PTPRO: variants seen among roughly 807,000 people sequenced by gnomAD.
PTPRO encodes the protein receptor-type tyrosine-protein phosphatase O.
Under a neutral mutation model 145.2 loss-of-function variants are expected in PTPRO, and 62 were observed. The observed-to-expected ratio is 0.43, with a 90% CI of 0.35 to 0.53. The LOEUF (loss-of-function observed/expected upper bound fraction) is 0.53, where lower values mean the gene tolerates loss of function less well. PTPRO is among the 20% of genes least tolerant of loss of function. PTPRO has a pLI of 0.01. For synonymous variants in PTPRO, 565 were observed against 514.7 expected, an observed-to-expected ratio of 1.10 and a Z score of -1.32; for missense variants, 1,345 against 1,482.7, an observed-to-expected ratio of 0.91 and a Z score of 1.53.
At chr12:15,508,533 C>G in intron 6 of PTPRO, 38 bp from the exon 7 acceptor site, 1 of 1,579,086 alleles carries the variant, frequency 6.3e-7, no homozygotes, top group East Asian at 2.2e-5. Context: ...ATCAGTGTAA[C>G]GTGCAGCCTC....
At chr12:15,560,328 C>T in intron 17 of PTPRO, 52 bp downstream of exon 17, 1 of 1,361,372 alleles carries the variant, frequency 7.3e-7, no homozygotes, top group Non-Finnish European at 1.0e-6. Context: ...AGTTAGCTTT[C>T]AAGAAGTAAA....
At chr12:15,514,033 C>G (rs2041898) in intron 7 of PTPRO, among the ~76,000 whole-genome samples, 87,476 of 152,064 alleles carry the variant, frequency 0.58, 26,440 homozygotes, top group Admixed American at 0.66. Context: ...AGCACCTTAA[C>G]CTTTTAGTTG....
In PTPRO at chr12:15,420,075, A is replaced by C. The variant is rs1940096178; in HGVS notation, c.76-63899A>C. ...GGCAGGAGAACGGTGTGAAACCGGG[A>C]GGCGGAGCTTGCAGTGAGCGGAGAT... On this transcript the variant is annotated intron_variant, in intron 1 of 26. Coordinates refer to ENST00000281171, the MANE Select transcript of PTPRO (RefSeq NM_030667.3). 2.9e-5 allele frequency among the ~76,000 whole-genome samples: 4 copies of C among 139,290 alleles called. No homozygotes were observed. In the Admixed American group the frequency reaches 3.1e-4, roughly 11 times the overall value. 91.4% of individuals were successfully genotyped at this position (139,290 alleles called of 152,430 possible). A position where few individuals can be genotyped will look rare whatever the true frequency, so the allele number is the denominator to read the frequency against.
Position 15,526,387 on chromosome 12 carries a change from A to G in PTPRO, c.2164+125A>G. The stretch of plus-strand genomic sequence containing the variant: ...ATGGCTAATTTTTTATGAGTAGAAA[A>G]TAGACATTTGTACTAGCAAAAGGGT... On this transcript the variant is annotated intron_variant, in intron 12 of 26. Coordinates refer to ENST00000281171, the MANE Select transcript of PTPRO (RefSeq NM_030667.3). 5 of 1,309,234 alleles carry G rather than the reference A, an allele frequency of 3.8e-6. No homozygotes were observed. In the South Asian group the frequency reaches 6.0e-5, roughly 16 times the overall value. 81.1% of individuals were successfully genotyped at this position (1,309,234 alleles called of 1,614,324 possible).
chr12:15,552,035 G>T (rs890754150), intron 15 of PTPRO, among the ~76,000 whole-genome samples: 1 of 113,832 alleles, frequency 8.8e-6, no homozygotes, highest in Admixed American at 1.3e-4. Flanking sequence ...TAATAAAAAT[G>T]GAGATGACAA....
chr12:15,493,345 C>T (rs1047086956), intron 2 of PTPRO, among the ~76,000 whole-genome samples: 1 of 151,894 alleles, frequency 6.6e-6, no homozygotes, highest in Admixed American at 6.6e-5. Context: ...AGTTAAAGAA[C>T]TGTTAATAGA....
rs545824995 is a variant in PTPRO at position 15,346,031 on chromosome 12, A to C, written c.75+23230A>C. On this transcript the variant is annotated intron_variant, in intron 1 of 26. Coordinates refer to ENST00000281171, the MANE Select transcript of PTPRO (RefSeq NM_030667.3). ...AATCAGAAACTTTGCTTAATATGAT[A>C]GGTCTCATTTCTCTGGTGCCTTGAT... Among the ~76,000 whole-genome samples the C allele has an allele frequency of 3.3e-5, 5 of 152,240 alleles. No individual in the cohort carries two copies. The South Asian group carries it at 1.0e-3, about 32-fold the overall frequency.
chr12:15,513,153 AAGAAAAAGAAAGAAAGAAAGAAAG>A lies in PTPRO; in HGVS notation c.1465-2343_1465-2320del, dbSNP rs1475548670. On this transcript the variant is annotated intron_variant, in intron 7 of 26. Transcript: ENST00000281171. The stretch of plus-strand genomic sequence containing the variant: ...GAAGGAAGGAAGGAAGAAAGAAAGA[AAGAAAAAGAAAGAAAGAAAGAAAG>A]AAAGAAAGAAAGAAAGAAAGAAAGA... 6.1e-4 allele frequency among the ~76,000 whole-genome samples: 21 copies of A among 34,668 alleles called. 2 individuals are homozygous for A. Among genetic ancestry groups the A allele is most frequent in the African/African-American group, 2.6e-3 (21 of 7,962 alleles). 22.7% of individuals were successfully genotyped at this position (34,668 alleles called of 152,430 possible). A position where few individuals can be genotyped will look rare whatever the true frequency, so the allele number is the denominator to read the frequency against.
At chr12:15,578,336 C>A (rs868156413) in intron 19 of PTPRO, among the ~76,000 whole-genome samples, 1 of 152,120 alleles carries the variant, frequency 6.6e-6, no homozygotes, top group Non-Finnish European at 1.5e-5. Flanking sequence ...ATATTTCATA[C>A]CCTGAGTGTT....
intron 1 of PTPRO, among the ~76,000 whole-genome samples, chr12:15,477,328 A>C (rs1941676730): frequency 8.0e-6 from 1 of 124,250 alleles, no homozygotes; most frequent in African/African-American, 3.1e-5. Context: ...AGGAAGGGGA[A>C]TATCACACTC....
chr12:15,554,092 G>A (rs1267486816), intron 15 of PTPRO, among the ~76,000 whole-genome samples: 7 of 152,220 alleles, frequency 4.6e-5, no homozygotes, highest in South Asian at 2.1e-4. Flanking sequence ...TACTCAGGAG[G>A]CTGAGACAGG....
chr12:15,562,741 C>CTT (rs5796638), intron 17 of PTPRO, among the ~76,000 whole-genome samples: 138 of 144,432 alleles, frequency 9.6e-4, no homozygotes, highest in Middle Eastern at 7.3e-3. Context: ...AGTGTTAAAT[C>CTT]TTTTTTTTTT....
In PTPRO at chr12:15,545,008, T is replaced by C. The variant is rs145845562; in HGVS notation, c.2165-1561T>C. On this transcript the variant is annotated intron_variant, in intron 12 of 26. Coordinates refer to ENST00000281171, the MANE Select transcript of PTPRO (RefSeq NM_030667.3). Reference sequence around the variant, plus strand: ...AGGAAAGAAACATGCTTCTTTTTAGTTGGACACAAGTTTAGGAGATCTGTG... The same window carrying C: ...AGGAAAGAAACATGCTTCTTTTTAGCTGGACACAAGTTTAGGAGATCTGTG... Among the ~76,000 whole-genome samples the C allele has an allele frequency of 3.9e-3, 599 of 152,292 alleles. 5 individuals carry two copies. Among genetic ancestry groups the C allele is most frequent in the African/African-American group, 0.014 (568 of 41,570 alleles).
chr12:15,586,724 T>A (rs1273471048), intron 23 of PTPRO, among the ~76,000 whole-genome samples, 173 bp from the exon 24 acceptor site: 1 of 152,128 alleles, frequency 6.6e-6, no homozygotes, highest in Non-Finnish European at 1.5e-5. Context: ...GCGTGGTTTT[T>A]TTTTTCAATA....
In PTPRO at chr12:15,453,310, T is replaced by A. The variant is rs553922733; in HGVS notation, c.76-30664T>A. 3.3e-5 allele frequency among the ~76,000 whole-genome samples: 5 copies of A among 151,984 alleles called. No homozygotes were observed. The East Asian group carries it at 9.7e-4, about 29-fold the overall frequency. On this transcript the variant is annotated intron_variant, in intron 1 of 26. Coordinates refer to ENST00000281171, the MANE Select transcript of PTPRO (RefSeq NM_030667.3). ...CTACAGCATGGGTGACAGAGTGAGATTCAGTCTCAAAAAAAAGAAAAGAAA... is the reference window on the plus strand; with the variant it reads ...CTACAGCATGGGTGACAGAGTGAGAATCAGTCTCAAAAAAAAGAAAAGAAA...
Position 15,497,380 on chromosome 12 carries a change from A to G in PTPRO, c.485A>G (p.Asp162Gly), listed in dbSNP as rs138083650. ...RVNISYWEGK[D>G]FRTMLYKDFF... ...AACATTAGCTACTGGGAAGGTAAAG[A>G]CTTCCGGACAATGCTATATAAAGGT... The change falls in exon 3 of 27, where the codon GAC becomes GGC. Residue 162 changes from aspartate (D) to glycine (G), a missense_variant. Asp to Gly is a moderately conservative substitution (Grantham distance 94, BLOSUM62 -1). This residue lies in a region of PTPRO where 1,130 missense variants were observed against 1,214.7 expected (regional missense o/e 0.93). Coordinates refer to ENST00000281171, the MANE Select transcript of PTPRO (RefSeq NM_030667.3). 2 of 1,613,556 alleles carry G rather than the reference A, an allele frequency of 1.2e-6. No individual in the cohort carries two copies. The highest frequency in any genetic ancestry group is 2.2e-5 in the East Asian group (1 of 44,796).
intron 10 of PTPRO, among the ~76,000 whole-genome samples, chr12:15,521,414 C>T (rs981038286): frequency 1.3e-5 from 2 of 152,174 alleles, no homozygotes; most frequent in African/African-American, 2.4e-5. Context: ...TTGGCAAGCG[C>T]TGTTAGTCTT....
chr12:15,528,508 G>A (rs560703250), intron 12 of PTPRO, among the ~76,000 whole-genome samples: 49 of 143,022 alleles, frequency 3.4e-4, no homozygotes, highest in African/African-American at 1.0e-3. Flanking sequence ...CTGGGTGACA[G>A]AGCAAGAATC....
intron 1 of PTPRO, among the ~76,000 whole-genome samples, chr12:15,380,927 G>A (rs1938841871): frequency 6.6e-6 from 1 of 152,042 alleles, no homozygotes; most frequent in Admixed American, 6.6e-5. Flanking sequence ...TTTTAAAGAA[G>A]GAGACATACT....
Sources: allele counts gnomAD v4.1 joint callset (sites outside exome capture counted in the v4.1 genomes callset), GRCh38; gene constraint gnomAD v4.1.1; regional missense constraint gnomAD v4.1.1; transcripts MANE v1.5; gene names NCBI Gene and HGNC (gene_info 2026-07-23, HGNC 2026-07-21).